PRKN: variants seen among roughly 807,000 people sequenced by gnomAD.
PRKN encodes the protein parkin RBR E3 ubiquitin protein ligase.
PRKN carries 56 observed loss-of-function variants against 59.5 expected under a neutral mutation model. The observed-to-expected ratio is 0.94, with a 90% CI of 0.76 to 1.18. The LOEUF (loss-of-function observed/expected upper bound fraction) is 1.18. PRKN is among the 50% of genes most tolerant of loss of function. The probability of loss-of-function intolerance (pLI) is 0.00; values close to 1 mark genes in which losing one functional copy is unlikely to be tolerated. For missense variants in PRKN, 657 were observed against 596.4 expected (o/e 1.10, Z -1.06); for synonymous variants, 250 against 222.1 (o/e 1.13, Z -1.12).
intron 7 of PRKN, among the ~76,000 whole-genome samples, chr6:161,652,370 T>G (rs1248970740): frequency 7.3e-6 from 1 of 136,356 alleles, no homozygotes; most frequent in Non-Finnish European, 1.6e-5. Context: ...TAATTTAAAT[T>G]TAAAGCCCTT....
intron 7 of PRKN, among the ~76,000 whole-genome samples, chr6:161,755,387 A>T (rs560805682): frequency 7.2e-5 from 11 of 152,168 alleles, no homozygotes; most frequent in African/African-American, 2.6e-4. Context: ...TCACTCCCAG[A>T]TAGTTCTGAA....
intron 7 of PRKN, among the ~76,000 whole-genome samples, chr6:161,770,363 T>C (rs1156697096): frequency 6.6e-6 from 1 of 152,138 alleles, no homozygotes; most frequent in Non-Finnish European, 1.5e-5. Context: ...AGAAACTGAT[T>C]GTTATAGGAT....
chr6:162,289,439 C>T (rs1045377396), intron 2 of PRKN, among the ~76,000 whole-genome samples: 7 of 151,946 alleles, frequency 4.6e-5, no homozygotes, highest in African/African-American at 1.7e-4. Context: ...GTGGCTCATG[C>T]CTGTAATCCC....
At chr6:162,273,956 T>A (rs2128104124) in intron 2 of PRKN, among the ~76,000 whole-genome samples, 1 of 152,190 alleles carries the variant, frequency 6.6e-6, no homozygotes, top group Admixed American at 6.5e-5. Flanking sequence ...TCCATATGTA[T>A]CTCTACGAAG....
rs529726053 is a variant in PRKN at position 161,724,857 on chromosome 6, C to A, written c.871+60915G>T. ...TCATGTTGAATTGTAATCCCCAATG[C>A]TGGAGATGGGGCCTGGTAGGAGGTG... On this transcript the variant is annotated intron_variant, in intron 7 of 11. Coordinates refer to ENST00000366898, the MANE Select transcript of PRKN (RefSeq NM_004562.3). Among the ~76,000 whole-genome samples the A allele has an allele frequency of 1.4e-3, 214 of 152,274 alleles. 2 individuals are homozygous for A. The highest frequency in any genetic ancestry group is 5.1e-3 in the African/African-American group (211 of 41,558).
At chr6:161,555,919 A>C (rs775129380) in intron 8 of PRKN, among the ~76,000 whole-genome samples, 1 of 152,242 alleles carries the variant, frequency 6.6e-6, no homozygotes, top group Non-Finnish European at 1.5e-5. Flanking sequence ...GGATTATTTT[A>C]CCTACAAAAA....
intron 7 of PRKN, among the ~76,000 whole-genome samples, chr6:161,741,291 C>A (rs1788171432): frequency 6.6e-6 from 1 of 152,134 alleles, no homozygotes; most frequent in South Asian, 2.1e-4. Context: ...CTAATAGTTT[C>A]TCCGAGGACC....
At chr6:161,946,791 A>C (rs1790019) in intron 6 of PRKN, among the ~76,000 whole-genome samples, 90,232 of 152,024 alleles carry the variant, frequency 0.59, 27,463 homozygotes, top group African/African-American at 0.74. Flanking sequence ...AAGCGATCTC[A>C]ATGTCTACTA....
chr6:162,417,978 C>T (rs1285685269), intron 2 of PRKN, among the ~76,000 whole-genome samples: 2 of 152,154 alleles, frequency 1.3e-5, no homozygotes, highest in African/African-American at 2.4e-5. Context: ...AAACATTTTA[C>T]CACATGACCC....
chr6:161,693,902 G>A (rs1316496440), intron 7 of PRKN, among the ~76,000 whole-genome samples: 5 of 152,156 alleles, frequency 3.3e-5, no homozygotes, highest in South Asian at 4.1e-4. Flanking sequence ...AATATTTACC[G>A]TATATCACAG....
intron 7 of PRKN, among the ~76,000 whole-genome samples, chr6:161,580,282 A>G (rs1781284656): frequency 6.6e-6 from 1 of 152,156 alleles, no homozygotes; most frequent in Non-Finnish European, 1.5e-5. Context: ...AATGAGCTCA[A>G]ATTTGCTATC....
intron 4 of PRKN, among the ~76,000 whole-genome samples, chr6:162,154,234 C>T (rs948169056): frequency 1.3e-5 from 2 of 152,096 alleles, no homozygotes; most frequent in African/African-American, 4.8e-5. Context: ...GTCTGATTTC[C>T]CCTCTGACAT....
chr6:162,372,423 A>G (rs77079487), intron 2 of PRKN, among the ~76,000 whole-genome samples: 66 of 151,086 alleles, frequency 4.4e-4, no homozygotes, highest in African/African-American at 1.6e-3. Context: ...CGTGCTACAC[A>G]TGCGATCCTC....
rs534605568 is a variant in PRKN, at chr6:161,657,973, C to T, written c.872-88557G>A. 8.9e-5 allele frequency among the ~76,000 whole-genome samples: 13 copies of T among 145,826 alleles called. No homozygotes were observed. In the South Asian group the frequency reaches 2.9e-3, roughly 32 times the overall value. ...GGAGGTTGCAGTGAGTGAAGATTGC[C>T]CCATTGCACTCCAGCCTGATCAACA... On this transcript the variant is annotated intron_variant, in intron 7 of 11. Transcript: ENST00000366898.
intron 2 of PRKN, among the ~76,000 whole-genome samples, chr6:162,422,622 T>A (rs927017846): frequency 1.3e-5 from 2 of 152,070 alleles, no homozygotes; most frequent in African/African-American, 4.8e-5. Flanking sequence ...ATCTGCTACT[T>A]TTAAAAATGG....
intron 9 of PRKN, among the ~76,000 whole-genome samples, chr6:161,506,008 G>T (rs1274775630): frequency 6.6e-6 from 1 of 151,886 alleles, no homozygotes; most frequent in Non-Finnish European, 1.5e-5. Flanking sequence ...TGGCGATGCG[G>T]GTTCTTTTTT....
At chr6:162,036,727 T>TA (rs1302823409) in intron 5 of PRKN, among the ~76,000 whole-genome samples, 8 of 152,112 alleles carry the variant, frequency 5.3e-5, no homozygotes, top group African/African-American at 1.7e-4. Context: ...AAAATTAAAT[T>TA]ACTTACTGGT....
chr6:162,024,369 G>A (rs1306314632), intron 5 of PRKN, among the ~76,000 whole-genome samples: 2 of 151,846 alleles, frequency 1.3e-5, no homozygotes, highest in Non-Finnish European at 2.9e-5. Context: ...GCTAATTTTT[G>A]TATTTTTAGT....
At chr6:161,760,426 A>G (rs1789146798) in intron 7 of PRKN, among the ~76,000 whole-genome samples, 1 of 151,460 alleles carries the variant, frequency 6.6e-6, no homozygotes, top group African/African-American at 2.4e-5. Context: ...TTCAAGCCTC[A>G]ATTTCAGTTC....
Sources: gnomAD v4.1 joint callset for allele counts (sites outside exome capture counted in the v4.1 genomes callset) on GRCh38, gnomAD v4.1.1 for gene constraint, MANE v1.5 for transcripts, NCBI Gene and HGNC (gene_info 2026-07-23, HGNC 2026-07-21) for gene names.